The following CALN1 variants were observed in gnomAD, a reference collection of about 807,000 sequenced individuals.
CALN1 encodes the protein calcium-binding protein 8.
In CALN1, 17 loss-of-function variants were observed where a neutral mutation model predicts 30.6. That is an observed-to-expected ratio of 0.56 (90% CI 0.38 to 0.83). The LOEUF is 0.83. Among genes scored for constraint, CALN1 ranks in the 40% least tolerant of loss-of-function variants. The pLI is 0.00. For synonymous variants in CALN1, 156 were observed against 131.4 expected (o/e 1.19, Z -1.28); for missense variants, 291 against 354.9 (o/e 0.82, Z 1.45).
At chr7:72,027,726 A>ACAC (rs1801157723) in intron 4 of CALN1, among the ~76,000 whole-genome samples, 1 of 143,222 alleles carries the variant, frequency 7.0e-6, no homozygotes, top group Non-Finnish European at 1.5e-5. Context: ...CAAACAAACA[A>ACAC]ACACACACAC....
intron 5 of CALN1, among the ~76,000 whole-genome samples, chr7:71,967,032 G>C (rs1797562608): frequency 6.6e-6 from 1 of 152,126 alleles, no homozygotes; most frequent in Admixed American, 6.6e-5. Flanking sequence ...ATTGAGAACT[G>C]TTTAGGAAAC....
chr7:71,818,751 C>A (rs1445173669), intron 5 of CALN1, among the ~76,000 whole-genome samples: 1 of 151,152 alleles, frequency 6.6e-6, no homozygotes, highest in East Asian at 1.9e-4. Context: ...ACTCTGTCAC[C>A]CAGGCTGGAG....
intron 5 of CALN1, among the ~76,000 whole-genome samples, chr7:71,812,010 GAGT>G (rs1421413747): frequency 2.0e-5 from 3 of 152,114 alleles, no homozygotes; most frequent in Non-Finnish European, 2.9e-5. Flanking sequence ...AATAAAATGT[GAGT>G]AGAAGTCACA....
chr7:72,282,456 G>A (rs1223426660), intron 2 of CALN1, among the ~76,000 whole-genome samples: 1 of 152,170 alleles, frequency 6.6e-6, no homozygotes, highest in South Asian at 2.1e-4. Flanking sequence ...AAGAGATGGA[G>A]CCTTTAGAAG....
chr7:71,782,681 C>T lies in CALN1; in HGVS notation c.*5094G>A, dbSNP rs1166699105. 1.3e-5 allele frequency: 2 copies of T among 152,182 alleles called. No homozygotes were observed. Among genetic ancestry groups the T allele is most frequent in the African/African-American group, 4.8e-5 (2 of 41,458 alleles). 9.4% of individuals were successfully genotyped at this position (152,182 alleles called of 1,614,324 possible). A position where few individuals can be genotyped will look rare whatever the true frequency, so the allele number is the denominator to read the frequency against. Reference sequence around the variant, plus strand: ...GGTAAGAGGCAGCCCAAATTCTCCTCTATGTTGCTGTCACTTTAAATAATT... The same window carrying T: ...GGTAAGAGGCAGCCCAAATTCTCCTTTATGTTGCTGTCACTTTAAATAATT... On this transcript the variant is annotated 3_prime_UTR_variant, in exon 7 of 7. Coordinates refer to ENST00000395275, the MANE Select transcript of CALN1 (RefSeq NM_031468.4).
intron 5 of CALN1, among the ~76,000 whole-genome samples, chr7:71,974,293 C>A (rs907160121): frequency 1.3e-5 from 2 of 151,794 alleles, no homozygotes; most frequent in Non-Finnish European, 2.9e-5. Flanking sequence ...TGGTACGTGC[C>A]TGTGATCCCA....
At chr7:72,334,747 A>G (rs577252779) in intron 2 of CALN1, among the ~76,000 whole-genome samples, 78 of 152,374 alleles carry the variant, frequency 5.1e-4, no homozygotes, top group African/African-American at 1.8e-3. Flanking sequence ...CCAATAAAAT[A>G]TCGTGAGGAT....
At chr7:72,467,313 G>T in the CALN1 span, among the ~76,000 whole-genome samples, 1 of 152,204 alleles carries the variant, frequency 6.6e-6, no homozygotes, top group Admixed American at 6.5e-5. Context: ...ACACGGCAGG[G>T]GGGTGCCATG....
intron 5 of CALN1, among the ~76,000 whole-genome samples, chr7:71,818,168 G>C (rs933028007): frequency 6.6e-6 from 1 of 152,110 alleles, no homozygotes; most frequent in African/African-American, 2.4e-5. Context: ...AAGCCAGGAT[G>C]TCTTGGCACC....
chr7:72,007,606 A>C (rs1172931476), intron 5 of CALN1, among the ~76,000 whole-genome samples: 1 of 152,200 alleles, frequency 6.6e-6, no homozygotes, highest in African/African-American at 2.4e-5. Flanking sequence ...CTTATTCATT[A>C]TCAATTTATT....
intron 5 of CALN1, among the ~76,000 whole-genome samples, chr7:71,902,160 C>T (rs1793886040): frequency 6.6e-6 from 1 of 151,926 alleles, no homozygotes; most frequent in African/African-American, 2.4e-5. Context: ...GGAGGCGGAG[C>T]TTGCAGTGAG....
In CALN1 at chr7:71,915,692, G is replaced by C. The variant is rs1420047881; in HGVS notation, c.502-105200C>G. Among the ~76,000 whole-genome samples the C allele has an allele frequency of 4.6e-5, 7 of 152,042 alleles. No individual in the cohort carries two copies. The South Asian group carries it at 8.3e-4, about 18-fold the overall frequency. ...GAGGTTGCAGTGAGCCAAGATCGCT[G>C]CATTGCACTCCAGCCCCGCAACAGA... On this transcript the variant is annotated intron_variant, in intron 5 of 6. Transcript: ENST00000395275.
rs139988066 is a variant in CALN1, at chr7:71,780,366, C to G, written c.*7409G>C. 4 of 152,088 alleles carry G rather than the reference C, an allele frequency of 2.6e-5. No homozygotes were observed. Among genetic ancestry groups the G allele is most frequent in the African/African-American group, 9.7e-5 (4 of 41,422 alleles). 9.4% of individuals were successfully genotyped at this position (152,088 alleles called of 1,614,324 possible). On this transcript the variant is annotated 3_prime_UTR_variant, in exon 7 of 7. Coordinates refer to ENST00000395275, the MANE Select transcript of CALN1 (RefSeq NM_031468.4). The stretch of plus-strand genomic sequence containing the variant: ...CTTGTTAGAAAAACAATTACTGGGA[C>G]GTCAGTCTACTTTAGGAAGAGGGAA...
chr7:72,111,961 G>A (rs1807608306), intron 3 of CALN1, among the ~76,000 whole-genome samples: 1 of 152,056 alleles, frequency 6.6e-6, no homozygotes, highest in African/African-American at 2.4e-5. Flanking sequence ...ATGTCAGCCA[G>A]GCTGGTCTTG....
chr7:71,821,653 A>G (rs1788596448), intron 5 of CALN1, among the ~76,000 whole-genome samples: 2 of 152,154 alleles, frequency 1.3e-5, no homozygotes, highest in Admixed American at 1.3e-4. Context: ...ACACAGCTAA[A>G]CCATACCAAT....
rs541709329 is a variant in CALN1, at chr7:72,055,475, C to A, written c.389-31706G>T. Among the ~76,000 whole-genome samples, 9 of 152,152 alleles carry A rather than the reference C, an allele frequency of 5.9e-5. No individual in the cohort carries two copies. In the South Asian group the frequency reaches 1.9e-3, roughly 32 times the overall value. On this transcript the variant is annotated intron_variant, in intron 4 of 6. Transcript: ENST00000395275. Reference sequence around the variant, plus strand: ...GGCAGAATTAGTTAACTGGGAAATACACAAATAGATATGGTAATCATCGTT... The same window carrying A: ...GGCAGAATTAGTTAACTGGGAAATAAACAAATAGATATGGTAATCATCGTT...
intron 5 of CALN1, among the ~76,000 whole-genome samples, chr7:71,906,613 G>T (rs949708754): frequency 6.6e-6 from 1 of 152,132 alleles, no homozygotes; most frequent in African/African-American, 2.4e-5. Flanking sequence ...TACTGATGGT[G>T]ACAAGCTTGA....
intron 5 of CALN1, among the ~76,000 whole-genome samples, chr7:71,880,873 T>C (rs886191531): frequency 6.6e-6 from 1 of 152,164 alleles, no homozygotes; most frequent in Non-Finnish European, 1.5e-5. Context: ...TGGTGAATAT[T>C]GAGTGCCAAC....
At chr7:72,311,315 T>C (rs900572347) in intron 2 of CALN1, among the ~76,000 whole-genome samples, 3 of 152,180 alleles carry the variant, frequency 2.0e-5, no homozygotes, top group African/African-American at 7.2e-5. Context: ...ACACAAAATA[T>C]GTGTTAATTA....
Sources: allele counts gnomAD v4.1 joint callset (sites outside exome capture counted in the v4.1 genomes callset), GRCh38; gene constraint gnomAD v4.1.1; transcripts MANE v1.5; gene names NCBI Gene and HGNC (gene_info 2026-07-23, HGNC 2026-07-21).